MCF2: variants seen among roughly 807,000 people sequenced by gnomAD.
MCF2 encodes proto-oncogene DBL.
A neutral mutation model predicts 82.5 loss-of-function variants in MCF2; 44 were observed. The ratio of observed to expected loss-of-function variants is 0.53; its 90% confidence interval spans 0.42 to 0.69. The LOEUF is 0.69. Among genes scored for constraint, MCF2 ranks in the 30% least tolerant of loss-of-function variants. The pLI is 0.00. For synonymous variants in MCF2, 217 were observed against 224.9 expected, an observed-to-expected ratio of 0.96 and a Z score of 0.32; for missense variants, 623 against 663.1, an observed-to-expected ratio of 0.94 and a Z score of 0.66.
intron 24 of MCF2, among the ~76,000 whole-genome samples, chrX:139,584,846 C>T (rs773396843): frequency 9.0e-6 from 1 of 111,629 alleles, no homozygotes; most frequent in East Asian, 2.8e-4. Flanking sequence ...CTATCTATTT[C>T]ATCAACATCA....
At chrX:139,690,338 G>GT (rs145515088) in intron 1 of MCF2, among the ~76,000 whole-genome samples, 12,067 of 75,689 alleles carry the variant, frequency 0.16, 1,125 homozygotes, top group African/African-American at 0.28. Flanking sequence ...CTCCAAAGGA[G>GT]TTTTTTTTTT....
At chrX:139,622,099 C>A (rs1372851414) in intron 6 of MCF2, among the ~76,000 whole-genome samples, 26 of 112,033 alleles carry the variant, frequency 2.3e-4, no homozygotes, top group Non-Finnish European at 4.3e-4. Context: ...CAAAAGAAGA[C>A]ATTTATGCAG....
chrX:139,684,044 C>A (rs1386128145), intron 1 of MCF2, among the ~76,000 whole-genome samples: 1 of 112,567 alleles, frequency 8.9e-6, no homozygotes, highest in Non-Finnish European at 1.9e-5. Context: ...AAAAAGACAA[C>A]CCACAGAGTG....
At chrX:139,669,398 C>T (rs1265058217) in intron 1 of MCF2, among the ~76,000 whole-genome samples, 2 of 111,845 alleles carry the variant, frequency 1.8e-5, no homozygotes, top group South Asian at 3.7e-4. Flanking sequence ...TTGATTAGTA[C>T]GTGGACAAAT....
In MCF2 at chrX:139,596,734, C is replaced by T. The variant is rs763401630; in HGVS notation, c.2092G>A (p.Gly698Ser). ...TGCCCTATCCAAACGCTGAATCCAC[C>T]TTGCATTATCATCTTGCCCAGTTCA... The change falls in exon 19 of 25, where the codon GGT becomes AGT. Residue 698 changes from glycine (G) to serine (S), a missense_variant. By Grantham distance (56) the Gly-to-Ser change is moderately conservative. Coordinates refer to ENST00000370576, the Ensembl canonical transcript of MCF2. The T allele has an allele frequency of 1.5e-5, 18 of 1,207,079 alleles. No homozygotes were observed. The highest frequency in any genetic ancestry group is 1.9e-5 in the Non-Finnish European group (17 of 892,933).
intron 1 of MCF2, among the ~76,000 whole-genome samples, chrX:139,668,828 G>A (rs1283706862): frequency 9.0e-6 from 1 of 110,834 alleles, no homozygotes; most frequent in Non-Finnish European, 1.9e-5. Flanking sequence ...GTATTCTCAA[G>A]AAACAGTGAT....
At chrX:139,674,744 C>T (rs1172951500) in intron 1 of MCF2, among the ~76,000 whole-genome samples, 1 of 111,818 alleles carries the variant, frequency 8.9e-6, no homozygotes, top group Non-Finnish European at 1.9e-5. Context: ...TTCTCTCTGG[C>T]TGCTCTTAAC....
At chrX:139,588,487 A>G in intron 20 of MCF2, 49 bp from the exon 25 acceptor site, 2 of 777,098 alleles carry the variant, frequency 2.6e-6, no homozygotes, top group South Asian at 4.5e-5. Context: ...ATTTCCTTTT[A>G]AAAAGGATGT....
chrX:139,674,365 T>A (rs1251474805), intron 1 of MCF2, among the ~76,000 whole-genome samples: 1 of 111,870 alleles, frequency 8.9e-6, no homozygotes, highest in Non-Finnish European at 1.9e-5. Flanking sequence ...CCTGTCATTA[T>A]GATGTTAGCT....
exon 24 of MCF2, chrX:139,585,098 C>A: frequency 8.3e-7 from 1 of 1,201,578 alleles, no homozygotes; most frequent in Middle Eastern, 2.3e-4. Context: ...TCATTTTCAT[C>A]ATAAGTAGGG....
At chrX:139,587,606 C>A in intron 22 of MCF2, 110 bp downstream of exon 26, 2 of 529,332 alleles carry the variant, frequency 3.8e-6, no homozygotes, top group East Asian at 3.5e-5. Context: ...TGAGTTATTG[C>A]TAAATTGGTG....
chrX:139,706,738 C>T (rs1169863037), intron 1 of MCF2, among the ~76,000 whole-genome samples: 2 of 110,238 alleles, frequency 1.8e-5, no homozygotes, highest in African/African-American at 6.6e-5. Flanking sequence ...AACAAAATGA[C>T]ATTGAACTTC....
At chrX:139,629,826 G>T (rs1290823820) in exon 4 of MCF2, 1 of 1,207,693 alleles carries the variant, frequency 8.3e-7, no homozygotes, top group Non-Finnish European at 1.1e-6. Context: ...TTCACTGTGA[G>T]GGCAAAATTT....
At position 139,639,346 on chromosome X, in the gene MCF2, T is replaced by C. The variant is rs138451062; in HGVS notation, c.51+3122A>G. Among the ~76,000 whole-genome samples the C allele has an allele frequency of 3.5e-3, 396 of 111,898 alleles. 4 individuals carry two copies. Among genetic ancestry groups the C allele is most frequent in the African/African-American group, 0.012 (374 of 30,753 alleles). On this transcript the variant is annotated intron_variant, in intron 1 of 24. Coordinates refer to ENST00000370576, the Ensembl canonical transcript of MCF2. ...ACGAGAGAGGAAACAGCATTGGTTTTAGGTTCTCGCAGACATTTTTCTGGA... is the reference window on the plus strand; with the variant it reads ...ACGAGAGAGGAAACAGCATTGGTTTCAGGTTCTCGCAGACATTTTTCTGGA...
At chrX:139,617,747 G>T in intron 7 of MCF2, 43 bp from the exon 11 acceptor site, 1 of 804,226 alleles carries the variant, frequency 1.2e-6, no homozygotes, top group Non-Finnish European at 1.7e-6. Context: ...CATGATCTCT[G>T]TTCCTATAGA....
rs139214078 is a variant in MCF2 at position 139,605,620 on chromosome X, C to T, written c.1557+93G>A. The T allele has an allele frequency of 2.1e-3, 1,518 of 716,398 alleles. 12 individuals carry two copies. The African/African-American group carries it at 0.028, about 13-fold the overall frequency. The allele number at this position is 716,398 out of a possible 1,213,427, so 59.0% of individuals were successfully genotyped here. A position where few individuals can be genotyped will look rare whatever the true frequency, so the allele number is the denominator to read the frequency against. On this transcript the variant is annotated intron_variant, in intron 13 of 24. Coordinates refer to ENST00000370576, the Ensembl canonical transcript of MCF2. ...GCCATATGACAACCAAGGAAGGAGA[C>T]GGAAGTAGAAGATTGCCCCTAAACA...
rs1274290612 is a variant in MCF2, at chrX:139,606,610, G to C, written c.1491-831C>G. On this transcript the variant is annotated intron_variant, in intron 12 of 24. Transcript: ENST00000370576. ...CTGACCTCAAGTGATCCGCCCGCCTGGGCCTCCCAACATGCTGGGATTGCA... is the reference window on the plus strand; with the variant it reads ...CTGACCTCAAGTGATCCGCCCGCCTCGGCCTCCCAACATGCTGGGATTGCA... Among the ~76,000 whole-genome samples the C allele has an allele frequency of 3.6e-5, 4 of 111,480 alleles. No homozygotes were observed. In the Admixed American group the frequency reaches 3.8e-4, roughly 11 times the overall value.
intron 14 of MCF2, 37 bp from the exon 19 acceptor site, chrX:139,604,787 T>C: frequency 4.5e-6 from 5 of 1,110,223 alleles, no homozygotes; most frequent in Non-Finnish European, 6.1e-6. Context: ...TGCATGATTT[T>C]ATGTGAAATA....
At chrX:139,638,648 C>T (rs910169839) in intron 1 of MCF2, among the ~76,000 whole-genome samples, 1 of 111,431 alleles carries the variant, frequency 9.0e-6, no homozygotes, top group Non-Finnish European at 1.9e-5. Context: ...CATGCAAAGC[C>T]CAGATGTTTA....
Sources: allele counts gnomAD v4.1 joint callset (sites outside exome capture counted in the v4.1 genomes callset), GRCh38; gene constraint gnomAD v4.1.1; transcripts MANE v1.5; gene names NCBI Gene and HGNC (gene_info 2026-07-23, HGNC 2026-07-21).